JPH1: variants seen among roughly 807,000 people sequenced by gnomAD.
JPH1 encodes the protein junctophilin-1.
Under a neutral mutation model 53.6 loss-of-function variants are expected in JPH1, and 12 were observed. The observed-to-expected ratio is 0.22, with a 90% CI of 0.14 to 0.36. The LOEUF is 0.36. JPH1 is among the 10% of genes least tolerant of loss of function. The probability of loss-of-function intolerance (pLI) is 1.00; values close to 1 mark genes in which losing one functional copy is unlikely to be tolerated. For synonymous variants in JPH1, 375 were observed against 363.8 expected (o/e 1.03, Z -0.35); for missense variants, 808 against 905.5 (o/e 0.89, Z 1.38).
intron 2 of JPH1, among the ~76,000 whole-genome samples, chr8:74,289,696 G>C (rs570086611): frequency 4.6e-5 from 7 of 152,244 alleles, no homozygotes; most frequent in African/African-American, 1.7e-4. Flanking sequence ...ACATTACTTA[G>C]CACTTAAAAT....
Position 74,244,810 on chromosome 8 carries a change from T to A in JPH1, c.1624A>T (p.Ser542Cys). 1.2e-6 allele frequency: 2 copies of A among 1,614,170 alleles called. No homozygotes were observed. The highest frequency in any genetic ancestry group is 1.7e-6 in the Non-Finnish European group (2 of 1,180,020). Residue 542 changes from serine to cysteine, a missense_variant, in exon 4 of 6, where the codon AGT (serine) becomes TGT (cysteine). Around this residue, in one of 2 missense-constraint regions of JPH1, gnomAD observed 756 missense variants for 811.9 expected, o/e 0.93. Coordinates refer to ENST00000342232, the MANE Select transcript of JPH1 (RefSeq NM_020647.4). Reference protein sequence around the residue: ...YSGRHHIPNPSNGELHSQYHG... With the variant: ...YSGRHHIPNPCNGELHSQYHG... ...TACTGAGAATGCAGCTCCCCGTTAC[T>A]GGGGTTGGGGATGTGGTGGCGGCCA... is the stretch of plus-strand genomic sequence containing the variant.
chr8:74,245,320 T>A lies in JPH1; in HGVS notation c.1259-145A>T, dbSNP rs531475039. On this transcript the variant is annotated intron_variant, in intron 3 of 5. Coordinates refer to ENST00000342232, the MANE Select transcript of JPH1 (RefSeq NM_020647.4). ...ACATATTTCATTCTCTGGGGAAAAG[T>A]TTATTTATTATGGAAAGGCTGCTTT... The A allele has an allele frequency of 1.4e-4, 103 of 725,874 alleles. No homozygotes were observed. In the African/African-American group the frequency reaches 1.8e-3, roughly 13 times the overall value. The allele number at this position is 725,874 out of a possible 1,614,324, so 45.0% of individuals were successfully genotyped here. A position where few individuals can be genotyped will look rare whatever the true frequency, so the allele number is the denominator to read the frequency against.
chr8:74,310,972 C>T (rs967241099), intron 2 of JPH1, among the ~76,000 whole-genome samples: 6 of 152,172 alleles, frequency 3.9e-5, no homozygotes, highest in African/African-American at 1.4e-4. Flanking sequence ...GGACGAGATG[C>T]GCTCTCTTGG....
Position 74,257,939 on chromosome 8 carries a change from CT to C in JPH1, c.1258+1445del, listed in dbSNP as rs1412532500. Among the ~76,000 whole-genome samples the C allele has an allele frequency of 3.3e-5, 5 of 152,108 alleles. No individual in the cohort carries two copies. The South Asian group carries it at 8.3e-4, about 25-fold the overall frequency. ...AAAAACCGAATCTTCTTTGCCTGGC[CT>C]TTTACTGTCTTCTTTCTTTGCAGGA... On this transcript the variant is annotated intron_variant, in intron 3 of 5. Transcript: ENST00000342232.
At chr8:74,249,315 G>C (rs1281828633) in intron 3 of JPH1, among the ~76,000 whole-genome samples, 3 of 152,200 alleles carry the variant, frequency 2.0e-5, no homozygotes, top group Non-Finnish European at 4.4e-5. Flanking sequence ...TTTCTGTGGA[G>C]ACTGACAATC....
chr8:74,305,713 T>C (rs996519878), intron 2 of JPH1, among the ~76,000 whole-genome samples: 3 of 152,208 alleles, frequency 2.0e-5, no homozygotes, highest in Non-Finnish European at 2.9e-5. Context: ...CAGAACTGAA[T>C]GTTGTCTCAT....
rs113746586 is a variant in JPH1, at chr8:74,244,678, C to T, written c.1756G>A (p.Ala586Thr). 2,131 of 1,614,134 alleles carry T rather than the reference C, an allele frequency of 1.3e-3. 22 individuals are homozygous for T. The African/African-American group carries it at 0.024, about 18-fold the overall frequency. ...GATTTGGAGGGACTCCACTTGTTAG[C>T]GGATGGCTTGTGCACCAGTGCTGAG... is the stretch of plus-strand genomic sequence containing the variant. ...SSSALVHKPS[A>T]NKWSPSKSVT... is the part of the protein sequence containing the mutation. The change falls in exon 4 of 6, where the codon GCT becomes ACT. Residue 586 changes from alanine to threonine, a missense_variant. This residue lies in a region of JPH1 where 756 missense variants were observed against 811.9 expected (regional missense o/e 0.93). Coordinates refer to ENST00000342232, the MANE Select transcript of JPH1 (RefSeq NM_020647.4).
intron 4 of JPH1, among the ~76,000 whole-genome samples, chr8:74,239,756 A>G (rs979244531): frequency 3.9e-5 from 6 of 152,146 alleles, no homozygotes; most frequent in African/African-American, 1.4e-4. Flanking sequence ...AAAATTCTAA[A>G]ATGCTGCAAT....
At chr8:74,281,583 A>T (rs1807017994) in intron 2 of JPH1, among the ~76,000 whole-genome samples, 1 of 152,192 alleles carries the variant, frequency 6.6e-6, no homozygotes, top group Admixed American at 6.5e-5. Flanking sequence ...TTTCATTTTC[A>T]TGAGAGTCTG....
At chr8:74,247,969 G>A (rs188748493) in intron 3 of JPH1, among the ~76,000 whole-genome samples, 186 of 152,264 alleles carry the variant, frequency 1.2e-3, no homozygotes, top group African/African-American at 1.8e-3. Flanking sequence ...TGATTTGGCC[G>A]TTGGAATAAT....
rs148588368 is a variant in JPH1, at chr8:74,281,011, T to C, written c.1140-21508A>G. 3.1e-3 allele frequency among the ~76,000 whole-genome samples: 471 copies of C among 152,284 alleles called. 2 individuals carry two copies. Among genetic ancestry groups the C allele is most frequent in the Middle Eastern group, 6.8e-3 (2 of 294 alleles). On this transcript the variant is annotated intron_variant, in intron 2 of 5. Coordinates refer to ENST00000342232, the MANE Select transcript of JPH1 (RefSeq NM_020647.4). ...CAGCAGAATCAGGACTAAACCTGAG[T>C]GTGTTCAATGACTCAGCTCATGTTC...
intron 4 of JPH1, among the ~76,000 whole-genome samples, chr8:74,243,784 A>G (rs1291211904): frequency 6.6e-6 from 1 of 152,228 alleles, no homozygotes; most frequent in Non-Finnish European, 1.5e-5. Flanking sequence ...TCTCCTTTTA[A>G]AGAAGGTATA....
chr8:74,273,450 A>G (rs774115293), intron 2 of JPH1, among the ~76,000 whole-genome samples: 10 of 152,218 alleles, frequency 6.6e-5, no homozygotes, highest in Non-Finnish European at 1.3e-4. Context: ...AATCAACAAC[A>G]ACGACGACAA....
rs1808114808 is a variant in JPH1 at position 74,315,312 on chromosome 8, A to C, written c.688T>G (p.Ser230Ala). ...SMKLRKSESKSSISSKRSSVR... is the reference protein window; with the variant it reads ...SMKLRKSESKASISSKRSSVR... Reference sequence around the variant, plus strand: ...GAGCTGCGCTTGCTCGAGATGGAAGACTTGGATTCGGACTTGCGAAGTTTC... The same window carrying C: ...GAGCTGCGCTTGCTCGAGATGGAAGCCTTGGATTCGGACTTGCGAAGTTTC... Residue 230 changes from serine (S) to alanine (A), a missense_variant, in exon 2 of 6, where the codon TCT becomes GCT. By Grantham distance (99) the Ser-to-Ala change is moderately conservative. Transcript: ENST00000342232. The surrounding 1 kb of genome is among the most constrained non-coding windows in gnomAD (Gnocchi z 6.3). 1.2e-6 allele frequency: 2 copies of C among 1,613,730 alleles called. No individual in the cohort carries two copies. Among genetic ancestry groups the C allele is most frequent in the South Asian group, 2.2e-5 (2 of 91,082 alleles).
intron 3 of JPH1, among the ~76,000 whole-genome samples, chr8:74,257,079 T>TC (rs1806260788): frequency 6.6e-6 from 1 of 152,190 alleles, no homozygotes; most frequent in Admixed American, 6.5e-5. Flanking sequence ...TTATGCTCCC[T>TC]TAAGAAGATC....
intron 3 of JPH1, among the ~76,000 whole-genome samples, chr8:74,256,593 G>A (rs1806245955): frequency 6.6e-6 from 1 of 150,846 alleles, no homozygotes; most frequent in African/African-American, 2.4e-5. Context: ...TCAACAAGTG[G>A]GCGAAGGATA....
At chr8:74,238,398 C>T (rs1414181270) in intron 4 of JPH1, among the ~76,000 whole-genome samples, 4 of 152,168 alleles carry the variant, frequency 2.6e-5, no homozygotes, top group Non-Finnish European at 4.4e-5. Flanking sequence ...GGTCTCTTTC[C>T]CTGACTGAGC....
intron 2 of JPH1, among the ~76,000 whole-genome samples, chr8:74,267,637 G>A (rs1806572418): frequency 6.6e-6 from 1 of 152,210 alleles, no homozygotes; most frequent in Admixed American, 6.5e-5. Flanking sequence ...GAGTTGGCGA[G>A]GAAGTGGGCA....
chr8:74,251,585 T>G (rs1248911511), intron 3 of JPH1, among the ~76,000 whole-genome samples: 1 of 152,234 alleles, frequency 6.6e-6, no homozygotes, highest in Admixed American at 6.5e-5. Flanking sequence ...CCATCCCACA[T>G]GGCTTTGTTT....
Sources: gnomAD v4.1 joint callset for allele counts (sites outside exome capture counted in the v4.1 genomes callset) on GRCh38, gnomAD v4.1.1 for gene constraint, gnomAD v4.1.1 regional missense constraint, Gnocchi (gnomAD v3.1) non-coding constraint, MANE v1.5 for transcripts, NCBI Gene and HGNC (gene_info 2026-07-23, HGNC 2026-07-21) for gene names.